The following PCDH15 variants were observed in gnomAD, a reference collection of about 807,000 sequenced individuals.
PCDH15 encodes the protein protocadherin related 15.
In PCDH15, 129 loss-of-function variants were observed where a neutral mutation model predicts 178.5. The ratio of observed to expected loss-of-function variants is 0.72; its 90% CI spans 0.63 to 0.84. The LOEUF (loss-of-function observed/expected upper bound fraction) is 0.84. Ranked by LOEUF, PCDH15 falls within the 40% of genes least tolerant of loss-of-function variation. PCDH15 has a pLI of 0.00. For synonymous variants in PCDH15, 800 were observed against 732.0 expected (o/e 1.09, Z -1.50); for missense variants, 2,230 against 2,099.9 (o/e 1.06, Z -1.21).
chr10:55,247,622 T>C, intron 1 of PCDH15: 1 of 152,040 alleles, frequency 6.6e-6, no homozygotes, highest in Non-Finnish European at 1.5e-5. Context: ...CTTTTTTTTT[T>C]TTAAACAAAA....
intron 10 of PCDH15, among the ~76,000 whole-genome samples, chr10:54,202,187 A>G (rs1275099474): frequency 6.6e-6 from 1 of 152,052 alleles, no homozygotes; most frequent in Non-Finnish European, 1.5e-5. Flanking sequence ...GACTGTGTGT[A>G]CTCTTCCAGT....
intron 5 of PCDH15, among the ~76,000 whole-genome samples, chr10:54,368,322 T>TA (rs554917877): frequency 2.0e-5 from 3 of 151,268 alleles, no homozygotes; most frequent in African/African-American, 2.4e-5. Flanking sequence ...TTTTTAAGAT[T>TA]AAAAAAAAAT....
Position 55,604,657 on chromosome 10 carries a change from A to T in PCDH15, c.-156+22968T>A, listed in dbSNP as rs1435167105. On this transcript the variant is annotated intron_variant, in intron 2 of 5. Transcript: ENST00000613346. ...CTCCTGAATGACTACTGGGTACATAACGAAATGAAGGCAGAAATAAAGATG... is the reference window on the plus strand; with the variant it reads ...CTCCTGAATGACTACTGGGTACATATCGAAATGAAGGCAGAAATAAAGATG... Among the ~76,000 whole-genome samples, 66 of 149,470 alleles carry T rather than the reference A, an allele frequency of 4.4e-4. No individual in the cohort carries two copies. The East Asian group carries it at 0.011, about 26-fold the overall frequency.
At chr10:55,148,693 C>T (rs1838601528) in intron 2 of PCDH15, among the ~76,000 whole-genome samples, 1 of 151,616 alleles carries the variant, frequency 6.6e-6, no homozygotes, top group Admixed American at 6.6e-5. Context: ...ATTGGAAAAT[C>T]TATGTCATTT....
At chr10:55,259,230 A>C (rs1401259559) in intron 1 of PCDH15, among the ~76,000 whole-genome samples, 1 of 152,190 alleles carries the variant, frequency 6.6e-6, no homozygotes, top group African/African-American at 2.4e-5. Context: ...GAGGTCTAGT[A>C]GTATTTGAAA....
intron 2 of PCDH15, among the ~76,000 whole-genome samples, chr10:54,944,231 G>C (rs1376993100): frequency 6.6e-6 from 1 of 151,930 alleles, no homozygotes. Context: ...TTTAGGTTGA[G>C]AAAGGGTTTG....
At chr10:55,581,287 A>G (rs2132120477) in intron 2 of PCDH15, among the ~76,000 whole-genome samples, 1 of 152,250 alleles carries the variant, frequency 6.6e-6, no homozygotes, top group African/African-American at 2.4e-5. Context: ...TAATAGCAAA[A>G]ATAGAAAATA....
chr10:55,395,368 C>T lies in PCDH15; in HGVS notation c.-155-228717G>A, dbSNP rs187631504. 1.3e-3 allele frequency among the ~76,000 whole-genome samples: 197 copies of T among 152,162 alleles called. 1 individual carries two copies. Among genetic ancestry groups the T allele is most frequent in the Admixed American group, 2.8e-3 (43 of 15,260 alleles). ...CTGATAGTTAAATCTGATATTCAGA[C>T]TATTATGCAATTTTCTAATATTTTG... On this transcript the variant is annotated intron_variant, in intron 2 of 5. Coordinates refer to the PCDH15 transcript ENST00000613346.
intron 26 of PCDH15, among the ~76,000 whole-genome samples, chr10:53,889,652 A>C (rs2133459835): frequency 6.6e-6 from 1 of 152,284 alleles, no homozygotes; most frequent in East Asian, 1.9e-4. Flanking sequence ...TCTATCTATT[A>C]AGTCTGAACT....
intron 2 of PCDH15, among the ~76,000 whole-genome samples, chr10:55,130,953 A>G (rs1357538584): frequency 6.6e-6 from 1 of 152,072 alleles, no homozygotes; most frequent in Non-Finnish European, 1.5e-5. Context: ...ATTCAGCTCT[A>G]AAAAGAAAAT....
intron 15 of PCDH15, among the ~76,000 whole-genome samples, chr10:54,098,220 G>A (rs2094738018): frequency 6.9e-6 from 1 of 144,376 alleles, no homozygotes; most frequent in Non-Finnish European, 1.5e-5. Flanking sequence ...GTGTGTGTGT[G>A]TGTGTGTGTG....
At chr10:54,962,821 C>CCTGCTGGG (rs1838690335) in intron 2 of PCDH15, among the ~76,000 whole-genome samples, 2 of 152,140 alleles carry the variant, frequency 1.3e-5, no homozygotes, top group Non-Finnish European at 2.9e-5. Flanking sequence ...CCAAGAACAG[C>CCTGCTGGG]CTGCTGGGCC....
chr10:54,687,522 T>G (rs558243691), intron 1 of PCDH15, among the ~76,000 whole-genome samples: 1 of 152,158 alleles, frequency 6.6e-6, no homozygotes, highest in Non-Finnish European at 1.5e-5. Context: ...TTGAATCTTA[T>G]GCTTGGCTAG....
chr10:55,107,575 T>C (rs1233308574), intron 2 of PCDH15, among the ~76,000 whole-genome samples: 1 of 135,984 alleles, frequency 7.4e-6, no homozygotes, highest in Admixed American at 8.5e-5. Flanking sequence ...CACTGCAACC[T>C]CTGCCTCCTG....
At chr10:54,425,236 A>C (rs1193459474) in intron 3 of PCDH15, among the ~76,000 whole-genome samples, 1 of 152,124 alleles carries the variant, frequency 6.6e-6, no homozygotes, top group Non-Finnish European at 1.5e-5. Flanking sequence ...GGATCATGAA[A>C]GTTCCTCCCT....
intron 24 of PCDH15, among the ~76,000 whole-genome samples, chr10:53,939,343 A>T (rs879596378): frequency 3.9e-5 from 6 of 152,090 alleles, no homozygotes; most frequent in Non-Finnish European, 7.4e-5. Flanking sequence ...GTTTAACCAA[A>T]ATTTTCTGAA....
intron 14 of PCDH15, among the ~76,000 whole-genome samples, chr10:54,141,204 TC>T (rs1371564887): frequency 6.6e-6 from 1 of 151,974 alleles, no homozygotes; most frequent in African/African-American, 2.4e-5. Flanking sequence ...TCTATGTATT[TC>T]CAACAATTCA....
chr10:54,481,754 GATTTTAAGATGTTAT>G, intron 3 of PCDH15, among the ~76,000 whole-genome samples: 1 of 151,488 alleles, frequency 6.6e-6, no homozygotes, highest in Non-Finnish European at 1.5e-5. Flanking sequence ...TTAAAAACAC[GATTTTAAGATGTTAT>G]AAAATATATA....
At chr10:54,979,801 T>G (rs997877744) in intron 2 of PCDH15, among the ~76,000 whole-genome samples, 1 of 152,120 alleles carries the variant, frequency 6.6e-6, no homozygotes, top group Non-Finnish European at 1.5e-5. Flanking sequence ...TAAATATTAT[T>G]TGGCCATATT....
Sources: allele counts gnomAD v4.1 joint callset (sites outside exome capture counted in the v4.1 genomes callset), GRCh38; gene constraint gnomAD v4.1.1; transcripts MANE v1.5; gene names NCBI Gene and HGNC (gene_info 2026-07-23, HGNC 2026-07-21).